Variants in KCNH7 observed in about 807,000 individuals in gnomAD.
The protein encoded by KCNH7 is voltage-gated inwardly rectifying potassium channel KCNH7.
Under a neutral mutation model 120.8 loss-of-function variants are expected in KCNH7, and 49 were observed. The ratio of observed to expected loss-of-function variants is 0.41; its 90% CI spans 0.32 to 0.51. The LOEUF (loss-of-function observed/expected upper bound fraction) is 0.51. KCNH7 is among the 20% of genes least tolerant of loss of function. The probability of loss-of-function intolerance (pLI) is 0.38; values close to 1 mark genes in which losing one functional copy is unlikely to be tolerated. For missense variants in KCNH7, 1,097 were observed against 1,446.6 expected, an observed-to-expected ratio of 0.76 and a Z score of 3.92; for synonymous variants, 547 against 516.1, an observed-to-expected ratio of 1.06 and a Z score of -0.81.
intron 2 of KCNH7, among the ~76,000 whole-genome samples, chr2:162,541,899 G>T (rs144313289): frequency 1.3e-5 from 2 of 152,032 alleles, no homozygotes; most frequent in Non-Finnish European, 2.9e-5. Flanking sequence ...AAGAGAAGAG[G>T]TATTTCAAAA....
At chr2:162,441,244 T>C (rs1197698425) in intron 7 of KCNH7, among the ~76,000 whole-genome samples, 1 of 152,204 alleles carries the variant, frequency 6.6e-6, no homozygotes, top group Non-Finnish European at 1.5e-5. Context: ...AACATGATTA[T>C]ATTGGATGTT....
chr2:162,836,757 A>G lies in KCNH7; in HGVS notation c.87T>C (p.Phe29=), dbSNP rs765067152. 6.8e-6 allele frequency: 11 copies of G among 1,612,690 alleles called. No individual in the cohort carries two copies. The highest frequency in any genetic ancestry group is 1.7e-5 in the Admixed American group (1 of 60,014). The stretch of plus-strand genomic sequence containing the variant: ...TCTGCACTCTGGCATTTGCAATGAT[A>G]AATTTTTTATCTGTAATAAGAAGAC... ...IRKFEGQNKK[F]IIANARVQNC... Residue 29 remains phenylalanine, a synonymous_variant, in exon 2 of 16, where the codon TTT becomes TTC. Coordinates refer to ENST00000332142, the MANE Select transcript of KCNH7 (RefSeq NM_033272.4).
intron 6 of KCNH7, among the ~76,000 whole-genome samples, chr2:162,458,117 G>GTGTA (rs1553478822): frequency 6.6e-6 from 1 of 151,746 alleles, no homozygotes. Context: ...GTGTGTGTGT[G>GTGTA]TGTGTGTGTG....
At chr2:162,796,025 G>T (rs775820804) in intron 2 of KCNH7, 4 of 152,026 alleles carry the variant, frequency 2.6e-5, no homozygotes, top group Non-Finnish European at 5.9e-5. Flanking sequence ...AGGAACAAAT[G>T]AGCAGGAAAG....
chr2:162,607,561 T>G (rs974973247), intron 2 of KCNH7, among the ~76,000 whole-genome samples: 1 of 152,164 alleles, frequency 6.6e-6, no homozygotes, highest in African/African-American at 2.4e-5. Flanking sequence ...GCTTATTGAT[T>G]GCATAGTTGT....
intron 2 of KCNH7, among the ~76,000 whole-genome samples, chr2:162,580,612 T>C (rs1693834700): frequency 6.6e-6 from 1 of 152,068 alleles, no homozygotes; most frequent in Admixed American, 6.6e-5. Flanking sequence ...TCATGGGTTG[T>C]TGTAGAAAGG....
At chr2:162,611,063 C>G (rs1682946735) in intron 2 of KCNH7, among the ~76,000 whole-genome samples, 1 of 152,154 alleles carries the variant, frequency 6.6e-6, no homozygotes, top group South Asian at 2.1e-4. Context: ...GCACAGAAAA[C>G]TTCAGGCAGT....
rs183546102 is a variant in KCNH7 at position 162,833,235 on chromosome 2, G to A, written c.307+3302C>T. 1.2e-4 allele frequency among the ~76,000 whole-genome samples: 19 copies of A among 152,106 alleles called. No homozygotes were observed. The East Asian group carries it at 3.7e-3, about 29-fold the overall frequency. Reference sequence around the variant, plus strand: ...AAACTAGCTAGCTCTCTTCCGTGATGTACTCCAAACCAGATGAGGGATAAA... The same window carrying A: ...AAACTAGCTAGCTCTCTTCCGTGATATACTCCAAACCAGATGAGGGATAAA... On this transcript the variant is annotated intron_variant, in intron 2 of 15. Coordinates refer to ENST00000332142, the MANE Select transcript of KCNH7 (RefSeq NM_033272.4).
At chr2:162,554,846 G>A (rs978139658) in intron 2 of KCNH7, among the ~76,000 whole-genome samples, 4 of 152,130 alleles carry the variant, frequency 2.6e-5, no homozygotes, top group South Asian at 2.1e-4. Context: ...GTAAGGTAAC[G>A]TATTCACAGG....
At position 162,432,972 on chromosome 2, in the gene KCNH7, A is replaced by T. The variant is rs572933627; in HGVS notation, c.1954+2226T>A. On this transcript the variant is annotated intron_variant, in intron 8 of 15. Coordinates refer to ENST00000332142, the MANE Select transcript of KCNH7 (RefSeq NM_033272.4). ...TTTCGAGATACAGAATCAATGTGCA[A>T]AAATTAGTAGCATTTCATGAACCAA... Among the ~76,000 whole-genome samples, 11 of 152,224 alleles carry T rather than the reference A, an allele frequency of 7.2e-5. No homozygotes were observed. In the South Asian group the frequency reaches 2.3e-3, roughly 32 times the overall value.
chr2:162,449,707 T>G (rs1688702081), intron 6 of KCNH7, among the ~76,000 whole-genome samples: 1 of 152,016 alleles, frequency 6.6e-6, no homozygotes, highest in Non-Finnish European at 1.5e-5. Context: ...AGGCACAGGA[T>G]GTATTTTCCC....
At chr2:162,435,904 C>T (rs1341739938) in intron 7 of KCNH7, among the ~76,000 whole-genome samples, 2 of 152,074 alleles carry the variant, frequency 1.3e-5, no homozygotes, top group African/African-American at 2.4e-5. Context: ...CACCAACATA[C>T]ATTCTAGTGT....
chr2:162,788,988 T>TAAAAAAA (rs61348204), intron 2 of KCNH7, among the ~76,000 whole-genome samples: 3 of 105,138 alleles, frequency 2.9e-5, no homozygotes, highest in East Asian at 3.0e-4. Context: ...AGGTACTGGT[T>TAAAAAAA]AAAAAAAAAA....
At chr2:162,826,526 T>C (rs963420476) in intron 2 of KCNH7, among the ~76,000 whole-genome samples, 2 of 152,146 alleles carry the variant, frequency 1.3e-5, no homozygotes, top group African/African-American at 4.8e-5. Flanking sequence ...CTTTATAATA[T>C]GTAAACCATA....
At chr2:162,521,361 C>T (rs1318368127) in intron 3 of KCNH7, among the ~76,000 whole-genome samples, 3 of 151,818 alleles carry the variant, frequency 2.0e-5, no homozygotes, top group Non-Finnish European at 4.4e-5. Context: ...AGAATCTTAA[C>T]CTCCTGGAAT....
chr2:162,761,118 A>G (rs899760862), intron 2 of KCNH7, among the ~76,000 whole-genome samples: 7 of 152,092 alleles, frequency 4.6e-5, no homozygotes, highest in Non-Finnish European at 1.0e-4. Flanking sequence ...CATATGACAC[A>G]TATTGAATTT....
intron 2 of KCNH7, among the ~76,000 whole-genome samples, chr2:162,590,085 C>T (rs1694159107): frequency 6.6e-6 from 1 of 152,010 alleles, no homozygotes; most frequent in Admixed American, 6.6e-5. Flanking sequence ...AAGTGAGTAA[C>T]TCTGGGTGCA....
chr2:162,819,855 G>A (rs1685046368), intron 2 of KCNH7, among the ~76,000 whole-genome samples: 1 of 151,970 alleles, frequency 6.6e-6, no homozygotes, highest in East Asian at 1.9e-4. Context: ...AAGCCTATTT[G>A]CTGTTTTTTG....
chr2:162,770,397 C>A (rs1023996308), intron 2 of KCNH7, among the ~76,000 whole-genome samples: 1 of 150,838 alleles, frequency 6.6e-6, no homozygotes, highest in African/African-American at 2.4e-5. Flanking sequence ...TATATTTATA[C>A]TTATTTCAGT....
Sources: gnomAD v4.1 joint callset for allele counts (sites outside exome capture counted in the v4.1 genomes callset) on GRCh38, gnomAD v4.1.1 for gene constraint, MANE v1.5 for transcripts, NCBI Gene and HGNC (gene_info 2026-07-23, HGNC 2026-07-21) for gene names.